Variants in CYP20A1 observed in about 807,000 individuals in gnomAD.
CYP20A1 encodes the protein cytochrome P450 family 20 subfamily A member 1.
A neutral mutation model predicts 61.4 loss-of-function variants in CYP20A1; 61 were observed. That is an observed-to-expected ratio of 0.99 (90% confidence interval 0.81 to 1.23). The LOEUF is 1.23. CYP20A1 is among the 50% of genes most tolerant of loss of function. The probability of loss-of-function intolerance (pLI) is 0.00; values close to 1 mark genes in which losing one functional copy is unlikely to be tolerated. For synonymous variants in CYP20A1, 193 were observed against 188.2 expected, an observed-to-expected ratio of 1.03 and a Z score of -0.21; for missense variants, 530 against 542.4, an observed-to-expected ratio of 0.98 and a Z score of 0.23.
chr2:203,274,701 T>C (rs1444720254), intron 6 of CYP20A1, among the ~76,000 whole-genome samples: 1 of 152,018 alleles, frequency 6.6e-6, no homozygotes, highest in Non-Finnish European at 1.5e-5. Flanking sequence ...CTCATTAGCT[T>C]ACTGTTTTAG....
At chr2:203,249,578 C>T (rs2066584327) in intron 3 of CYP20A1, among the ~76,000 whole-genome samples, 1 of 152,260 alleles carries the variant, frequency 6.6e-6, no homozygotes, top group Non-Finnish European at 1.5e-5. Context: ...GGCATGGTGG[C>T]TCACGCCTGT....
chr2:203,298,667 C>G lies in CYP20A1; in HGVS notation c.*1759C>G, dbSNP rs1380882008. Among the ~76,000 whole-genome samples, 2 of 148,944 alleles carry G rather than the reference C, an allele frequency of 1.3e-5. No individual in the cohort carries two copies. The highest frequency in any genetic ancestry group is 5.0e-5 in the African/African-American group (2 of 40,280). On this transcript the variant is annotated 3_prime_UTR_variant, in exon 13 of 13. Coordinates refer to ENST00000356079, the MANE Select transcript of CYP20A1 (RefSeq NM_177538.3). ...AGTGAGCCAAGATCGCACCACTGCACTCCAGCCTGGGTGTCGAGTGAAACT... is the reference window on the plus strand; with the variant it reads ...AGTGAGCCAAGATCGCACCACTGCAGTCCAGCCTGGGTGTCGAGTGAAACT...
At position 203,278,636 on chromosome 2, in the gene CYP20A1, G is replaced by T. The variant is rs766993014; in HGVS notation, c.743G>T (p.Ser248Ile). ...IIKERKGRNF[S>I]QHIFIDSLVQ... is the part of the protein sequence containing the mutation. ...AAAGAACGAAAAGGAAGGAACTTCAGTCAACATATTTTCATTGACTCCTTA... is the reference window on the plus strand; with the variant it reads ...AAAGAACGAAAAGGAAGGAACTTCATTCAACATATTTTCATTGACTCCTTA... Residue 248 changes from serine to isoleucine, a missense_variant, in exon 7 of 13, where the codon AGT becomes ATT. Coordinates refer to ENST00000356079, the MANE Select transcript of CYP20A1 (RefSeq NM_177538.3). 6.2e-7 allele frequency: 1 copy of T among 1,607,488 alleles called. No individual in the cohort carries two copies. The highest frequency in any genetic ancestry group is 1.3e-5 in the African/African-American group (1 of 74,722).
At position 203,283,426 on chromosome 2, in the gene CYP20A1, C is replaced by G. The variant is rs959582083; in HGVS notation, c.851-2186C>G. ...AGAGACGAGGTTTCACTGTGTTGGC[C>G]AGGCTGATCTCGAACTCCTGACCTC... On this transcript the variant is annotated intron_variant, in intron 8 of 12. Coordinates refer to ENST00000356079, the MANE Select transcript of CYP20A1 (RefSeq NM_177538.3). 6.6e-5 allele frequency among the ~76,000 whole-genome samples: 10 copies of G among 151,648 alleles called. No homozygotes were observed. In the South Asian group the frequency reaches 2.1e-3, roughly 32 times the overall value.
rs2069088513 is a variant in CYP20A1 at position 203,303,124 on chromosome 2, C to T, written c.*6216C>T. ...CAAGCAATTCTCCTGCCTCAGCCTC[C>T]TGAGTAGCTGAGACTACGGGTATGT... On this transcript the variant is annotated 3_prime_UTR_variant, in exon 13 of 13. Transcript: ENST00000356079. 6.6e-6 allele frequency among the ~76,000 whole-genome samples: 1 copy of T among 152,114 alleles called. No individual in the cohort carries two copies. Among genetic ancestry groups the T allele is most frequent in the Non-Finnish European group, 1.5e-5 (1 of 68,038 alleles).
rs185805222 is a variant in CYP20A1, at chr2:203,260,380, G to T, written c.433-6134G>T. On this transcript the variant is annotated intron_variant, in intron 4 of 12. Transcript: ENST00000356079. ...TGGAAGTATAGGCGTGTGCCACGAC[G>T]CCCGGCTAATTTTATATTTTTAGTA... Among the ~76,000 whole-genome samples the T allele has an allele frequency of 6.0e-4, 90 of 150,216 alleles. No individual in the cohort carries two copies. The East Asian group carries it at 0.017, about 28-fold the overall frequency.
At chr2:203,288,843 CTCTGATTTTAA>C (rs2068412635) in intron 9 of CYP20A1, among the ~76,000 whole-genome samples, 1 of 152,092 alleles carries the variant, frequency 6.6e-6, no homozygotes, top group South Asian at 2.1e-4. Flanking sequence ...AAATAACTGC[CTCTGATTTTAA>C]TCTGTAAAAT....
At chr2:203,250,125 C>T (rs1176292966) in intron 3 of CYP20A1, among the ~76,000 whole-genome samples, 1 of 152,026 alleles carries the variant, frequency 6.6e-6, no homozygotes, top group Non-Finnish European at 1.5e-5. Context: ...GGAGTTGATC[C>T]ATAAATTGAT....
At chr2:203,289,742 C>CA in intron 9 of CYP20A1, 23 bp from the exon 10 acceptor site, 29 of 1,460,452 alleles carry the variant, frequency 2.0e-5, no homozygotes, top group South Asian at 7.9e-5. Flanking sequence ...TAAACATCTT[C>CA]AAAAAAAATT....
intron 5 of CYP20A1, among the ~76,000 whole-genome samples, chr2:203,269,279 A>ATTTTTTTTTTTTTTTTTTTTT: frequency 8.0e-6 from 1 of 125,294 alleles, no homozygotes; most frequent in Non-Finnish European, 1.7e-5. Flanking sequence ...CCTGTCTCCA[A>ATTTTTTTTTTTTTTTTTTTTT]TTTTTTTTTT....
At chr2:203,255,012 A>G (rs1045378175) in intron 4 of CYP20A1, among the ~76,000 whole-genome samples, 1 of 152,040 alleles carries the variant, frequency 6.6e-6, no homozygotes, top group African/African-American at 2.4e-5. Context: ...AGAGGAAAAA[A>G]GAAAAGAAAA....
In CYP20A1 at chr2:203,239,050, G is replaced by A. The variant is rs754135668; in HGVS notation, c.-13G>A. 1 of 1,613,110 alleles carries A rather than the reference G, an allele frequency of 6.2e-7. No homozygotes were observed. Among genetic ancestry groups the A allele is most frequent in the African/African-American group, 1.3e-5 (1 of 75,042 alleles). ...CGGCCGATCCGAGACGTGGCTCCCT[G>A]GGCGGCAGAACCATGTTGGACTTCG... On this transcript the variant is annotated 5_prime_UTR_variant, in exon 1 of 13. Coordinates refer to ENST00000356079, the MANE Select transcript of CYP20A1 (RefSeq NM_177538.3).
chr2:203,295,879 G>A (rs2068771334), intron 11 of CYP20A1, among the ~76,000 whole-genome samples: 1 of 152,126 alleles, frequency 6.6e-6, no homozygotes, highest in Admixed American at 6.6e-5. Flanking sequence ...AACCTGGGAT[G>A]TGGTGGTTGC....
intron 8 of CYP20A1, among the ~76,000 whole-genome samples, chr2:203,281,733 A>G (rs1452306026): frequency 2.0e-5 from 3 of 151,282 alleles, no homozygotes; most frequent in Non-Finnish European, 1.5e-5. Context: ...CCCCAGAGGC[A>G]GAGGTTACAG....
At chr2:203,266,808 G>A (rs557180859) in intron 5 of CYP20A1, 127 bp downstream of exon 5, 8 of 744,118 alleles carry the variant, frequency 1.1e-5, no homozygotes, top group Admixed American at 9.4e-5. Flanking sequence ...TGGTAAAAAC[G>A]TGTCTCTACT....
chr2:203,296,681 G>T (rs1162850687), intron 12 of CYP20A1, 77 bp from the exon 13 acceptor site: 2 of 1,475,608 alleles, frequency 1.4e-6, no homozygotes, highest in East Asian at 2.3e-5. Flanking sequence ...TTAAGTTCTG[G>T]GGTTCATGTG....
chr2:203,271,729 T>C lies in CYP20A1; in HGVS notation c.601-941T>C, dbSNP rs1192947618. Among the ~76,000 whole-genome samples the C allele has an allele frequency of 3.3e-5, 5 of 152,170 alleles. No homozygotes were observed. In the East Asian group the frequency reaches 9.6e-4, roughly 29 times the overall value. ...TACCTGTGAATTTTATTTTTACACT[T>C]ATGCCAGTATAATACAAAAATGAGG... On this transcript the variant is annotated intron_variant, in intron 5 of 12. Transcript: ENST00000356079.
chr2:203,305,307 TCTC>T lies in CYP20A1; in HGVS notation c.*8402_*8404del. 6.7e-6 allele frequency: 1 copy of T among 150,084 alleles called. No individual in the cohort carries two copies. Among genetic ancestry groups the T allele is most frequent in the Middle Eastern group, 3.4e-3 (1 of 292 alleles). The allele number at this position is 150,084 out of a possible 1,614,324, so 9.3% of individuals were successfully genotyped here. ...CCTCCCCCTCTCAGGTTCAAGTAATTCTCCTGCCTCAGCCTGCCGAGTAGCTGG... is the reference window on the plus strand; with the variant it reads ...CCTCCCCCTCTCAGGTTCAAGTAATTCTGCCTCAGCCTGCCGAGTAGCTGG... On this transcript the variant is annotated 3_prime_UTR_variant, in exon 13 of 13. Coordinates refer to ENST00000356079, the MANE Select transcript of CYP20A1 (RefSeq NM_177538.3).
At chr2:203,277,671 G>A (rs1351706276) in intron 6 of CYP20A1, among the ~76,000 whole-genome samples, 1 of 151,924 alleles carries the variant, frequency 6.6e-6, no homozygotes, top group Non-Finnish European at 1.5e-5. Flanking sequence ...GCCTGCCACT[G>A]AGCCCACCTA....
Sources: gnomAD v4.1 joint callset for allele counts (sites outside exome capture counted in the v4.1 genomes callset) on GRCh38, gnomAD v4.1.1 for gene constraint, MANE v1.5 for transcripts, NCBI Gene and HGNC (gene_info 2026-07-23, HGNC 2026-07-21) for gene names.